KATNIP: variants seen among roughly 807,000 people sequenced by gnomAD.
The protein encoded by KATNIP is katanin-interacting protein.
A neutral mutation model predicts 174.0 loss-of-function variants in KATNIP; 126 were observed. The ratio of observed to expected loss-of-function variants is 0.72; its 90% CI spans 0.63 to 0.84. The LOEUF (loss-of-function observed/expected upper bound fraction) is 0.84. Ranked by LOEUF, KATNIP falls within the 40% of genes least tolerant of loss-of-function variation. The pLI is 0.00. For missense variants in KATNIP, 1,958 were observed against 2,109.7 expected, an observed-to-expected ratio of 0.93 and a Z score of 1.41; for synonymous variants, 810 against 835.7, an observed-to-expected ratio of 0.97 and a Z score of 0.53.
chr16:27,675,897 C>A (rs187876804), intron 6 of KATNIP, among the ~76,000 whole-genome samples: 32 of 152,284 alleles, frequency 2.1e-4, no homozygotes, highest in Admixed American at 2.0e-3. Flanking sequence ...AGCCACATGT[C>A]TAATCTCCTG....
chr16:27,617,441 A>G (rs1596947387), intron 2 of KATNIP, among the ~76,000 whole-genome samples: 1 of 152,216 alleles, frequency 6.6e-6, no homozygotes, highest in Admixed American at 6.5e-5. Context: ...GTTCACCCCT[A>G]AAGTGGTAAA....
At chr16:27,772,988 T>C in intron 22 of KATNIP, 111 bp from the exon 23 acceptor site, 1 of 636,682 alleles carries the variant, frequency 1.6e-6, no homozygotes, top group Non-Finnish European at 2.8e-6. Flanking sequence ...AAAATGTTTT[T>C]CTCTCATTCA....
intron 22 of KATNIP, among the ~76,000 whole-genome samples, chr16:27,772,661 C>T (rs1467825060): frequency 2.0e-5 from 3 of 152,204 alleles, no homozygotes; most frequent in Non-Finnish European, 4.4e-5. Flanking sequence ...GTTGCAGGTA[C>T]TCTGTTCTTG....
intron 12 of KATNIP, 58 bp downstream of exon 12, chr16:27,704,056 AT>A (rs34773854): frequency 0.14 from 195,372 of 1,352,914 alleles, 16,126 homozygotes; most frequent in African/African-American, 0.28. Context: ...CAGAACAGGC[AT>A]TTCGCATCAG....
At chr16:27,641,095 G>A (rs1417773600) in intron 5 of KATNIP, among the ~76,000 whole-genome samples, 1 of 151,236 alleles carries the variant, frequency 6.6e-6, no homozygotes, top group Non-Finnish European at 1.5e-5. Flanking sequence ...CTGAGATCGC[G>A]CCATTGCACT....
intron 1 of KATNIP, among the ~76,000 whole-genome samples, chr16:27,559,366 A>G (rs989742331): frequency 3.9e-5 from 6 of 152,070 alleles, no homozygotes; most frequent in Admixed American, 1.3e-4. Context: ...GTGTCTATCA[A>G]TATGTTTTTC....
At chr16:27,581,194 T>G (rs2090685607) in intron 2 of KATNIP, among the ~76,000 whole-genome samples, 2 of 152,222 alleles carry the variant, frequency 1.3e-5, no homozygotes, top group South Asian at 2.1e-4. Context: ...AATGTATTAC[T>G]AATTCTTGAT....
chr16:27,555,553 G>A (rs1460311734), intron 1 of KATNIP, among the ~76,000 whole-genome samples: 3 of 152,160 alleles, frequency 2.0e-5, no homozygotes, highest in Non-Finnish European at 2.9e-5. Flanking sequence ...AAATGTTCCT[G>A]GCTGGGCGCG....
In KATNIP at chr16:27,651,543, T is replaced by C. The variant is rs926036779; in HGVS notation, c.540+2808T>C. On this transcript the variant is annotated intron_variant, in intron 6 of 27. Transcript: ENST00000261588. ...CATGTCCGCATATGTACTTTTCATC[T>C]GACCTTCACTGTTGAAACACACCAG... Among the ~76,000 whole-genome samples, 4 of 152,346 alleles carry C rather than the reference T, an allele frequency of 2.6e-5. No homozygotes were observed. In the South Asian group the frequency reaches 8.3e-4, roughly 32 times the overall value.
intron 5 of KATNIP, among the ~76,000 whole-genome samples, chr16:27,635,758 C>T (rs2076615812): frequency 6.6e-6 from 1 of 152,144 alleles, no homozygotes; most frequent in African/African-American, 2.4e-5. Flanking sequence ...CACTTGAAGC[C>T]TGTGGGTCAA....
intron 14 of KATNIP, among the ~76,000 whole-genome samples, chr16:27,733,674 A>G (rs114253903): frequency 0.01 from 1,562 of 152,086 alleles, 29 homozygotes; most frequent in African/African-American, 0.036. Context: ...TTCATGGTGC[A>G]CTTCATGGAA....
rs981541011 is a variant in KATNIP, at chr16:27,734,649, A to G, written c.1744-5392A>G. 1.8e-4 allele frequency among the ~76,000 whole-genome samples: 28 copies of G among 152,164 alleles called. 1 individual carries two copies. Among genetic ancestry groups the G allele is most frequent in the Admixed American group, 1.7e-3 (26 of 15,282 alleles). ...GAGGCAAAGATTGCAGTAAGCTGAGATCACACCACTGCACTCCAGCCTGGG... is the reference window on the plus strand; with the variant it reads ...GAGGCAAAGATTGCAGTAAGCTGAGGTCACACCACTGCACTCCAGCCTGGG... On this transcript the variant is annotated intron_variant, in intron 14 of 27. Coordinates refer to ENST00000261588, the MANE Select transcript of KATNIP (RefSeq NM_015202.5).
intron 6 of KATNIP, among the ~76,000 whole-genome samples, chr16:27,656,754 A>G (rs1407113095): frequency 2.2e-5 from 3 of 138,116 alleles, no homozygotes; most frequent in Admixed American, 1.6e-4. Flanking sequence ...TCACATGGAC[A>G]CAGGAAGGGG....
chr16:27,583,454 T>C (rs2090771967), intron 2 of KATNIP, among the ~76,000 whole-genome samples: 1 of 152,086 alleles, frequency 6.6e-6, no homozygotes, highest in African/African-American at 2.4e-5. Flanking sequence ...TAAGAGGAGG[T>C]TCCTGCAAGT....
intron 8 of KATNIP, among the ~76,000 whole-genome samples, chr16:27,689,689 A>T (rs555340066): frequency 6.6e-6 from 1 of 152,208 alleles, no homozygotes; most frequent in Non-Finnish European, 1.5e-5. Context: ...GCTAACTATT[A>T]CTGCCTGACA....
chr16:27,562,289 C>T (rs954468982), intron 1 of KATNIP, among the ~76,000 whole-genome samples: 2 of 151,984 alleles, frequency 1.3e-5, no homozygotes, highest in East Asian at 1.9e-4. Flanking sequence ...CCAGCCTGGC[C>T]GACAGAGTGA....
Position 27,755,226 on chromosome 16 carries a change from C to T in KATNIP, c.3631+975C>T, listed in dbSNP as rs1268332005. ...CTCCAAAATGAAGCTGGAGCCTCTCCGAATCCTGGTGTCAGCCCTTCCGGG... is the reference window on the plus strand; with the variant it reads ...CTCCAAAATGAAGCTGGAGCCTCTCTGAATCCTGGTGTCAGCCCTTCCGGG... On this transcript the variant is annotated intron_variant, in intron 18 of 27. Transcript: ENST00000261588. 2.6e-5 allele frequency: 4 copies of T among 152,308 alleles called. No homozygotes were observed. The East Asian group carries it at 5.8e-4, about 22-fold the overall frequency. 9.4% of individuals were successfully genotyped at this position (152,308 alleles called of 1,614,324 possible). A position where few individuals can be genotyped will look rare whatever the true frequency, so the allele number is the denominator to read the frequency against.
chr16:27,717,687 C>T (rs770076057), intron 13 of KATNIP, among the ~76,000 whole-genome samples: 9 of 152,152 alleles, frequency 5.9e-5, no homozygotes, highest in Admixed American at 1.3e-4. Context: ...CACCCTTTTG[C>T]CCTAGCACTT....
chr16:27,661,430 C>T (rs1294999806), intron 6 of KATNIP, among the ~76,000 whole-genome samples: 1 of 151,894 alleles, frequency 6.6e-6, no homozygotes, highest in African/African-American at 2.4e-5. Context: ...CTCACTCTGT[C>T]GCCCAGGCTG....
Sources: allele counts gnomAD v4.1 joint callset (sites outside exome capture counted in the v4.1 genomes callset), GRCh38; gene constraint gnomAD v4.1.1; transcripts MANE v1.5; gene names NCBI Gene and HGNC (gene_info 2026-07-23, HGNC 2026-07-21).